DNAH11: variants seen among roughly 807,000 people sequenced by gnomAD.
The protein encoded by DNAH11 is axonemal beta dynein heavy chain 11.
A neutral mutation model predicts 526.0 loss-of-function variants in DNAH11; 442 were observed. The ratio of observed to expected loss-of-function variants is 0.84; its 90% CI spans 0.78 to 0.91. The LOEUF (loss-of-function observed/expected upper bound fraction) is 0.91. DNAH11 is among the 40% of genes least tolerant of loss of function. The pLI, the probability that DNAH11 is intolerant of heterozygous loss-of-function variation, is 0.00. For synonymous variants in DNAH11, 2,461 were observed against 1,935.9 expected, an observed-to-expected ratio of 1.27 and a Z score of -7.12; for missense variants, 6,989 against 5,448.7, an observed-to-expected ratio of 1.28 and a Z score of -8.90.
At chr7:21,761,191 G>C (rs1240691140) in intron 54 of DNAH11, among the ~76,000 whole-genome samples, 1 of 152,190 alleles carries the variant, frequency 6.6e-6, no homozygotes, top group Non-Finnish European at 1.5e-5. Context: ...AGCAAGGAAA[G>C]CTGGATGGCA....
At chr7:21,843,971 G>T (rs1347617495) in intron 66 of DNAH11, among the ~76,000 whole-genome samples, 8 of 152,106 alleles carry the variant, frequency 5.3e-5, no homozygotes, top group Non-Finnish European at 8.8e-5. Context: ...TTTGGAACTT[G>T]AAAGGATTTC....
intron 74 of DNAH11, among the ~76,000 whole-genome samples, chr7:21,879,576 C>T (rs980500991): frequency 5.3e-5 from 8 of 152,126 alleles, no homozygotes; most frequent in African/African-American, 9.7e-5. Flanking sequence ...AATAATGTGT[C>T]GTGGTGATTT....
Position 21,726,007 on chromosome 7 carries a change from T to C in DNAH11, c.7440+23T>C, listed in dbSNP as rs575756518. The C allele has an allele frequency of 9.8e-6, 15 of 1,525,212 alleles. No homozygotes were observed. In the African/African-American group the frequency reaches 1.7e-4, roughly 17 times the overall value. The allele number at this position is 1,525,212 out of a possible 1,614,324, so 94.5% of individuals were successfully genotyped here. On this transcript the variant is annotated intron_variant, in intron 45 of 81. Coordinates refer to ENST00000409508, the MANE Select transcript of DNAH11 (RefSeq NM_001277115.2). The stretch of plus-strand genomic sequence containing the variant: ...CAGGTAGGTGTGTGGAACATAGCAA[T>C]TGTATTAGTCTGTTTTCATATTGCT...
intron 76 of DNAH11, among the ~76,000 whole-genome samples, chr7:21,885,171 T>A (rs367612778): frequency 0.72 from 80,899 of 112,324 alleles, 29,835 homozygotes; most frequent in Non-Finnish European, 0.83. Flanking sequence ...AAATGAACTA[T>A]AAAAAAAAAA....
chr7:21,686,424 C>A (rs776405740), intron 32 of DNAH11, among the ~76,000 whole-genome samples: 1 of 152,080 alleles, frequency 6.6e-6, no homozygotes, highest in African/African-American at 2.4e-5. Flanking sequence ...CATTTGATGT[C>A]CTTGCTATTT....
intron 25 of DNAH11, among the ~76,000 whole-genome samples, chr7:21,623,359 T>A (rs1786171641): frequency 6.6e-6 from 1 of 151,856 alleles, no homozygotes; most frequent in African/African-American, 2.4e-5. Flanking sequence ...ACTTTTACAC[T>A]GTTGGTGGGA....
chr7:21,732,541 C>A (rs946398077), intron 45 of DNAH11, among the ~76,000 whole-genome samples: 3 of 152,154 alleles, frequency 2.0e-5, no homozygotes, highest in African/African-American at 7.2e-5. Flanking sequence ...ACCCCTATTC[C>A]CAAATAACAT....
intron 56 of DNAH11, among the ~76,000 whole-genome samples, chr7:21,777,674 A>G (rs962496532): frequency 1.3e-5 from 2 of 152,168 alleles, no homozygotes; most frequent in Non-Finnish European, 2.9e-5. Context: ...TCTTTTGACT[A>G]TGGCCTAATC....
At chr7:21,879,156 A>C (rs1479331081) in intron 74 of DNAH11, among the ~76,000 whole-genome samples, 1 of 152,184 alleles carries the variant, frequency 6.6e-6, no homozygotes, top group Non-Finnish European at 1.5e-5. Flanking sequence ...TCTTAAAAAA[A>C]AATCTCACAG....
intron 45 of DNAH11, among the ~76,000 whole-genome samples, chr7:21,728,176 C>T (rs1319041629): frequency 1.3e-5 from 2 of 151,124 alleles, no homozygotes; most frequent in African/African-American, 2.4e-5. Flanking sequence ...CGCCTTGACC[C>T]CCAAAATTCA....
At chr7:21,745,790 T>G (rs1443967254) in intron 51 of DNAH11, among the ~76,000 whole-genome samples, 1 of 152,106 alleles carries the variant, frequency 6.6e-6, no homozygotes, top group Non-Finnish European at 1.5e-5. Context: ...AGAAATACAA[T>G]AAGTGAATTT....
intron 35 of DNAH11, among the ~76,000 whole-genome samples, chr7:21,697,517 A>G (rs1783905485): frequency 6.6e-6 from 1 of 152,198 alleles, no homozygotes; most frequent in African/African-American, 2.4e-5. Flanking sequence ...TAAACACCCC[A>G]AACTGGTCAC....
intron 30 of DNAH11, among the ~76,000 whole-genome samples, chr7:21,667,188 C>G (rs1203825303): frequency 6.6e-6 from 1 of 152,070 alleles, no homozygotes; most frequent in East Asian, 1.9e-4. Context: ...CTGTATATCC[C>G]AAGAGGCTAT....
intron 69 of DNAH11, among the ~76,000 whole-genome samples, chr7:21,862,586 C>G (rs1583785750): frequency 6.6e-6 from 1 of 152,122 alleles, no homozygotes; most frequent in East Asian, 1.9e-4. Flanking sequence ...TTTAACCATT[C>G]TACAATATAA....
chr7:21,548,425 TA>T (rs1782886857), intron 2 of DNAH11, among the ~76,000 whole-genome samples: 1 of 152,232 alleles, frequency 6.6e-6, no homozygotes, highest in African/African-American at 2.4e-5. Context: ...AGTGCTAACT[TA>T]AACCCAGAGC....
chr7:21,591,462 C>G lies in DNAH11; in HGVS notation c.2552C>G (p.Pro851Arg). Reference protein sequence around the residue: ...MRGWARCVLPPRREHRREAAF... With the variant: ...MRGWARCVLPRRREHRREAAF... ...GGCTGGGCCAGGTGCGTGCTACCTC[C>G]CAGGAGAGAGCACAGACGAGAGGCA... is the stretch of plus-strand genomic sequence containing the variant. Residue 851 changes from proline to arginine, a missense_variant, in exon 14 of 82, where the codon CCC becomes CGC. By Grantham distance (103) the Pro-to-Arg change is moderately radical (BLOSUM62 -2). Coordinates refer to ENST00000409508, the MANE Select transcript of DNAH11 (RefSeq NM_001277115.2). 2 of 1,613,818 alleles carry G rather than the reference C, an allele frequency of 1.2e-6. No individual in the cohort carries two copies. The highest frequency in any genetic ancestry group is 1.7e-6 in the Non-Finnish European group (2 of 1,179,800).
At position 21,713,741 on chromosome 7, in the gene DNAH11, C is replaced by T. The variant is rs532063333; in HGVS notation, c.6983+1881C>T. ...CCTTTCCTGTGTGTACTGACATGCT[C>T]GCTAAAAGTCTCATTCCTTACCTCT... On this transcript the variant is annotated intron_variant, in intron 42 of 81. Transcript: ENST00000409508. Among the ~76,000 whole-genome samples, 69 of 152,244 alleles carry T rather than the reference C, an allele frequency of 4.5e-4. 1 individual carries two copies. The highest frequency in any genetic ancestry group is 3.4e-3 in the Middle Eastern group (1 of 294).
chr7:21,894,905 G>A lies in DNAH11; in HGVS notation c.12955G>A (p.Ala4319Thr), dbSNP rs770536405. ...SLKGELALSP[A>T]VEAQQFALSY... ...CAAGGGGGAATTGGCATTATCTCCT[G>A]CTGTGGAAGCCCAGCAGTTTGCATT... Residue 4319 changes from alanine to threonine, a missense_variant, in exon 79 of 82, where the codon GCT becomes ACT. Transcript: ENST00000409508. 1.2e-6 allele frequency: 2 copies of A among 1,613,880 alleles called. No individual in the cohort carries two copies. Among genetic ancestry groups the A allele is most frequent in the Admixed American group, 1.7e-5 (1 of 59,994 alleles).
chr7:21,810,560 A>G lies in DNAH11; in HGVS notation c.10332+2511A>G, dbSNP rs965306978. The stretch of plus-strand genomic sequence containing the variant: ...TTTGAGGAGAGTGGTAAAAATATCA[A>G]AAATACCTGTGAAGGGCAACAGGGG... On this transcript the variant is annotated intron_variant, in intron 63 of 81. Coordinates refer to ENST00000409508, the MANE Select transcript of DNAH11 (RefSeq NM_001277115.2). Among the ~76,000 whole-genome samples, 4 of 152,190 alleles carry G rather than the reference A, an allele frequency of 2.6e-5. No individual in the cohort carries two copies. In the South Asian group the frequency reaches 8.3e-4, roughly 32 times the overall value.
Sources: allele counts gnomAD v4.1 joint callset (sites outside exome capture counted in the v4.1 genomes callset), GRCh38; gene constraint gnomAD v4.1.1; transcripts MANE v1.5; gene names NCBI Gene and HGNC (gene_info 2026-07-23, HGNC 2026-07-21).